Variants in UGGT2 observed in about 807,000 individuals in gnomAD.
The protein encoded by UGGT2 is UDP-glucose glycoprotein glucosyltransferase 2, also known as UDP-glucose:glycoprotein glucosyltransferase 2.
A neutral mutation model predicts 192.1 loss-of-function variants in UGGT2; 180 were observed. That is an observed-to-expected ratio of 0.94 (90% CI 0.83 to 1.06). UGGT2 has a LOEUF of 1.06. Among genes scored for constraint, UGGT2 ranks in the 50% least tolerant of loss-of-function variants. The pLI is 0.00. For synonymous variants in UGGT2, 580 were observed against 591.0 expected (o/e 0.98, Z 0.27); for missense variants, 1,849 against 1,795.7 (o/e 1.03, Z -0.54).
rs1408487738 is a variant in UGGT2 at position 95,863,859 on chromosome 13, A to G, written c.3559-145T>C. 3 of 660,958 alleles carry G rather than the reference A, an allele frequency of 4.5e-6. No individual in the cohort carries two copies. In the African/African-American group the frequency reaches 5.4e-5, roughly 12 times the overall value. The allele number at this position is 660,958 out of a possible 1,614,324, so 40.9% of individuals were successfully genotyped here. A position where few individuals can be genotyped will look rare whatever the true frequency, so the allele number is the denominator to read the frequency against. ...AACCAAAGACAGGCAATATCTTAGC[A>G]CAATGTTGTAAACAATCTGGTCTTT... On this transcript the variant is annotated intron_variant, in intron 30 of 38. Transcript: ENST00000376747.
At chr13:95,985,162 T>C in intron 9 of UGGT2, 1 of 658,120 alleles carries the variant, frequency 1.5e-6, no homozygotes, top group South Asian at 2.0e-5. Context: ...TTACTTTATT[T>C]GTATTTGATC....
chr13:95,934,275 T>C (rs2049387268), intron 17 of UGGT2, among the ~76,000 whole-genome samples: 1 of 152,220 alleles, frequency 6.6e-6, no homozygotes, highest in Non-Finnish European at 1.5e-5. Context: ...ACTTACTTTA[T>C]GGCCAAGCAT....
chr13:95,832,467 T>C (rs966937435), intron 38 of UGGT2, among the ~76,000 whole-genome samples: 2 of 152,120 alleles, frequency 1.3e-5, no homozygotes, highest in African/African-American at 2.4e-5. Context: ...CTCCAGCCCA[T>C]GATTAAACAT....
At chr13:95,964,136 G>A (rs72636573) in intron 12 of UGGT2, among the ~76,000 whole-genome samples, 8 of 152,212 alleles carry the variant, frequency 5.3e-5, no homozygotes, top group Non-Finnish European at 8.8e-5. Flanking sequence ...ACCAATGGAA[G>A]AGAACAGAGA....
intron 20 of UGGT2, among the ~76,000 whole-genome samples, chr13:95,910,024 T>A (rs1477396559): frequency 6.6e-6 from 1 of 152,036 alleles, no homozygotes; most frequent in Non-Finnish European, 1.5e-5. Flanking sequence ...TAAAATCCTT[T>A]ACAGACAAGC....
rs1385793218 is a variant in UGGT2, at chr13:95,881,519, G to T, written c.3228+2972C>A. On this transcript the variant is annotated intron_variant, in intron 27 of 38. Transcript: ENST00000376747. The stretch of plus-strand genomic sequence containing the variant: ...CAGTGTTCATCTAATTCATAATACA[G>T]TATTATTTAGGATCTATAGCATACC... Among the ~76,000 whole-genome samples the T allele has an allele frequency of 3.3e-5, 5 of 151,816 alleles. No homozygotes were observed. In the East Asian group the frequency reaches 9.7e-4, roughly 30 times the overall value.
At chr13:95,953,619 A>G (rs1262535792) in intron 12 of UGGT2, among the ~76,000 whole-genome samples, 2 of 152,238 alleles carry the variant, frequency 1.3e-5, no homozygotes, top group Non-Finnish European at 2.9e-5. Flanking sequence ...TTAAAAGAAG[A>G]AAATTTTTTC....
chr13:95,837,899 T>G (rs1887480355), intron 36 of UGGT2, among the ~76,000 whole-genome samples: 1 of 133,572 alleles, frequency 7.5e-6, no homozygotes, highest in African/African-American at 2.6e-5. Context: ...AGCTCCAAGA[T>G]TCACAATTTT....
At chr13:96,037,522 C>A (rs1462379336) in intron 1 of UGGT2, among the ~76,000 whole-genome samples, 1 of 152,170 alleles carries the variant, frequency 6.6e-6, no homozygotes, top group Non-Finnish European at 1.5e-5. Context: ...CTATAAATTT[C>A]TTTATACAGG....
rs370607107 is a variant in UGGT2 at position 96,029,358 on chromosome 13, C to T, written c.241+2531G>A. On this transcript the variant is annotated intron_variant, in intron 2 of 38. Transcript: ENST00000376747. ...CTGCAGTCCAGTGGTGTGATCTCGG[C>T]TCACTGCAGCCTATGCCTCCAGTGT... is the stretch of plus-strand genomic sequence containing the variant. Among the ~76,000 whole-genome samples, 4 of 148,742 alleles carry T rather than the reference C, an allele frequency of 2.7e-5. No individual in the cohort carries two copies. The East Asian group carries it at 8.0e-4, about 30-fold the overall frequency.
At chr13:95,889,119 C>T (rs1041824797) in intron 25 of UGGT2, among the ~76,000 whole-genome samples, 5 of 152,050 alleles carry the variant, frequency 3.3e-5, no homozygotes, top group Admixed American at 1.3e-4. Context: ...AAAAAACTTA[C>T]AAATTTAAGT....
At chr13:95,873,593 C>T (rs984847207) in intron 29 of UGGT2, among the ~76,000 whole-genome samples, 2 of 152,228 alleles carry the variant, frequency 1.3e-5, no homozygotes, top group East Asian at 3.9e-4. Context: ...TGCATGCATG[C>T]TCTCTCTTTC....
chr13:95,819,249 T>A (rs1885239881), intron 38 of UGGT2, among the ~76,000 whole-genome samples: 2 of 152,180 alleles, frequency 1.3e-5, no homozygotes, highest in Non-Finnish European at 2.9e-5. Context: ...ACTTTCAACA[T>A]CACTTGACTG....
At chr13:96,026,659 C>CTTTTTT (rs71211702) in intron 2 of UGGT2, among the ~76,000 whole-genome samples, 75 of 101,532 alleles carry the variant, frequency 7.4e-4, no homozygotes, top group African/African-American at 1.0e-3. Flanking sequence ...TTTCACTCTT[C>CTTTTTT]TTTTTTTTTT....
intron 26 of UGGT2, chr13:95,887,387 G>C (rs985310746): frequency 1.3e-4 from 59 of 468,012 alleles, no homozygotes; most frequent in South Asian, 7.5e-4. Flanking sequence ...GTATATTTTT[G>C]TCCCCTCTTG....
intron 4 of UGGT2, 56 bp from the exon 5 acceptor site, chr13:96,013,537 A>G: frequency 8.5e-7 from 1 of 1,182,764 alleles, no homozygotes; most frequent in East Asian, 2.7e-5. Context: ...ATGGCATATC[A>G]ATTCTGTATA....
intron 2 of UGGT2, among the ~76,000 whole-genome samples, chr13:96,031,374 G>A (rs1209902985): frequency 6.6e-6 from 1 of 152,148 alleles, no homozygotes; most frequent in Non-Finnish European, 1.5e-5. Context: ...GGAGTGCAGT[G>A]GTACAAACAC....
chr13:95,926,362 A>G lies in UGGT2; in HGVS notation c.2201-588T>C, dbSNP rs12872122. The stretch of plus-strand genomic sequence containing the variant: ...TGCCCCTTACAACATAGTTCATTCC[A>G]TCTGTTTAATGAACTCTCACTGTTA... On this transcript the variant is annotated intron_variant, in intron 19 of 38. Coordinates refer to ENST00000376747, the MANE Select transcript of UGGT2 (RefSeq NM_020121.4). Among the ~76,000 whole-genome samples the G allele has an allele frequency of 6.7e-3, 1,017 of 152,246 alleles. 5 individuals are homozygous for G. Among genetic ancestry groups the G allele is most frequent in the Non-Finnish European group, 0.01 (710 of 67,972 alleles).
At chr13:95,904,712 T>C (rs1369636652) in intron 20 of UGGT2, among the ~76,000 whole-genome samples, 2 of 152,158 alleles carry the variant, frequency 1.3e-5, no homozygotes, top group Non-Finnish European at 1.5e-5. Flanking sequence ...ACATTTCGGT[T>C]GGTTCCAAGT....
Sources: gnomAD v4.1 joint callset for allele counts (sites outside exome capture counted in the v4.1 genomes callset) on GRCh38, gnomAD v4.1.1 for gene constraint, MANE v1.5 for transcripts, NCBI Gene and HGNC (gene_info 2026-07-23, HGNC 2026-07-21) for gene names.